The following XCR1 variants were observed in gnomAD, a reference collection of about 807,000 sequenced individuals.
XCR1 encodes X-C motif chemokine receptor 1, also known as chemokine XC receptor 1.
For synonymous variants in XCR1, 187 were observed against 188.5 expected, an observed-to-expected ratio of 0.99 and a Z score of 0.06; for missense variants, 356 against 424.2, an observed-to-expected ratio of 0.84 and a Z score of 1.41.
At chr3:46,054,299 A>G (rs1697810460) in intron 4 of XCR1, among the ~76,000 whole-genome samples, 1 of 152,128 alleles carries the variant, frequency 6.6e-6, no homozygotes, top group Non-Finnish European at 1.5e-5. Flanking sequence ...GTCCCAGTAG[A>G]TAACCTCAAG....
intron 4 of XCR1, among the ~76,000 whole-genome samples, chr3:46,063,880 T>C (rs560253603): frequency 8.5e-5 from 13 of 152,304 alleles, no homozygotes; most frequent in East Asian, 7.7e-4. Flanking sequence ...TTATTACTAA[T>C]ATTTTTTGAG....
chr3:46,050,189 A>C (rs918117842), intron 5 of XCR1, among the ~76,000 whole-genome samples: 1 of 152,104 alleles, frequency 6.6e-6, no homozygotes, highest in Non-Finnish European at 1.5e-5. Flanking sequence ...CTGCTGTGAC[A>C]TTTGCTCTAC....
chr3:46,084,244 G>C (rs1000355055), intron 1 of XCR1, among the ~76,000 whole-genome samples: 1 of 152,208 alleles, frequency 6.6e-6, no homozygotes, highest in African/African-American at 2.4e-5. Flanking sequence ...CTGGTGACAA[G>C]GGACAAGCTG....
intron 5 of XCR1, among the ~76,000 whole-genome samples, chr3:46,048,169 T>C (rs1245197621): frequency 6.6e-6 from 1 of 152,164 alleles, no homozygotes; most frequent in Non-Finnish European, 1.5e-5. Context: ...TCTGAGAGTC[T>C]AACTGTTCTA....
chr3:46,070,337 T>C (rs985624742), intron 3 of XCR1, among the ~76,000 whole-genome samples: 3 of 152,108 alleles, frequency 2.0e-5, no homozygotes, highest in African/African-American at 7.2e-5. Context: ...TGTTTCTTTG[T>C]TAATTTTCTG....
intron 5 of XCR1, among the ~76,000 whole-genome samples, chr3:46,037,992 G>C (rs565973459): frequency 6.6e-6 from 1 of 151,582 alleles, no homozygotes; most frequent in Non-Finnish European, 1.5e-5. Flanking sequence ...CTGTGCACCA[G>C]GAATAAAATA....
chr3:46,061,545 T>C (rs1386830019), intron 4 of XCR1, among the ~76,000 whole-genome samples: 1 of 152,208 alleles, frequency 6.6e-6, no homozygotes, highest in Non-Finnish European at 1.5e-5. Context: ...CGTGGGACAT[T>C]CCCCTGCATT....
intron 1 of XCR1, among the ~76,000 whole-genome samples, chr3:46,082,225 C>T (rs1575446803): frequency 6.6e-6 from 1 of 152,058 alleles, no homozygotes. Context: ...GATACCAGAC[C>T]AAGCCTGTAT....
At chr3:46,046,831 C>T (rs921310907) in intron 5 of XCR1, among the ~76,000 whole-genome samples, 5 of 152,138 alleles carry the variant, frequency 3.3e-5, no homozygotes, top group Non-Finnish European at 5.9e-5. Context: ...TTGAGTTTGC[C>T]TATTTAAATC....
rs558818655 is a variant in XCR1 at position 46,017,313 on chromosome 3, A to T, written c.*3633T>A. The T allele has an allele frequency of 2.6e-5, 4 of 152,216 alleles. No individual in the cohort carries two copies. Among genetic ancestry groups the T allele is most frequent in the Non-Finnish European group, 5.9e-5 (4 of 68,030 alleles). The allele number at this position is 152,216 out of a possible 1,614,324, so 9.4% of individuals were successfully genotyped here. A position where few individuals can be genotyped will look rare whatever the true frequency, so the allele number is the denominator to read the frequency against. ...TTGGACATCTTTAGACCAGGTTTCC[A>T]TGTTTGCAGACCTTTTTGTCCCATC... On this transcript the variant is annotated 3_prime_UTR_variant, in exon 2 of 2. Coordinates refer to ENST00000309285, the MANE Select transcript of XCR1 (RefSeq NM_001024644.2).
rs186575548 is a variant in XCR1 at position 46,049,840 on chromosome 3, G to A, written c.-32+4080C>T. ...ATTGTAAAATTTTGTCTGAAGGGTA[G>A]TGGTTATCTATAGCACCCACGAAGT... On this transcript the variant is annotated intron_variant, in intron 5 of 5. Coordinates refer to the XCR1 transcript ENST00000683768. Among the ~76,000 whole-genome samples, 29 of 152,334 alleles carry A rather than the reference G, an allele frequency of 1.9e-4. 1 individual carries two copies. In the East Asian group the frequency reaches 5.6e-3, roughly 29 times the overall value.
chr3:46,026,897 ATT>A (rs34872226), intron 1 of XCR1, among the ~76,000 whole-genome samples: 22 of 136,558 alleles, frequency 1.6e-4, no homozygotes, highest in African/African-American at 4.3e-4. Flanking sequence ...TTCTTCTTTG[ATT>A]TTTTTTTTTT....
intron 2 of XCR1, among the ~76,000 whole-genome samples, chr3:46,076,550 A>G (rs184957390): frequency 2.0e-5 from 3 of 150,972 alleles, no homozygotes; most frequent in African/African-American, 7.4e-5. Flanking sequence ...ATTTTGTAGA[A>G]GCTTAACAAA....
intron 2 of XCR1, among the ~76,000 whole-genome samples, chr3:46,075,640 T>G (rs112036042): frequency 5.3e-5 from 8 of 152,258 alleles, no homozygotes; most frequent in African/African-American, 1.9e-4. Flanking sequence ...AAATAGCTCA[T>G]GTCTAAAATA....
At chr3:46,080,331 C>A (rs145791323) in intron 1 of XCR1, among the ~76,000 whole-genome samples, 2 of 152,136 alleles carry the variant, frequency 1.3e-5, no homozygotes, top group African/African-American at 4.8e-5. Flanking sequence ...CTGACAATGC[C>A]GCTAAGAATG....
intron 4 of XCR1, among the ~76,000 whole-genome samples, chr3:46,063,725 C>G (rs1462069126): frequency 6.6e-6 from 1 of 152,228 alleles, no homozygotes; most frequent in Non-Finnish European, 1.5e-5. Context: ...TGCCTGAAAA[C>G]TCTCTCACGT....
chr3:46,066,006 A>G (rs35516580), intron 4 of XCR1, among the ~76,000 whole-genome samples: 13,769 of 151,856 alleles, frequency 0.091, 1,014 homozygotes, highest in South Asian at 0.35. Flanking sequence ...CCCTTGTCTC[A>G]CTCCTTTGCT....
At chr3:46,032,618 G>A (rs1336690423) in intron 5 of XCR1, among the ~76,000 whole-genome samples, 1 of 152,184 alleles carries the variant, frequency 6.6e-6, no homozygotes, top group African/African-American at 2.4e-5. Flanking sequence ...GGCACCACTG[G>A]CCACAGGTTT....
rs1293142154 is a variant in XCR1, at chr3:46,023,655, C to G, written c.-31-1677G>C. 4 of 1,384,278 alleles carry G rather than the reference C, an allele frequency of 2.9e-6. No homozygotes were observed. The East Asian group carries it at 6.9e-5, about 24-fold the overall frequency. The allele number at this position is 1,384,278 out of a possible 1,614,324, so 85.7% of individuals were successfully genotyped here. A position where few individuals can be genotyped will look rare whatever the true frequency, so the allele number is the denominator to read the frequency against. On this transcript the variant is annotated intron_variant, in intron 1 of 1. Coordinates refer to ENST00000309285, the MANE Select transcript of XCR1 (RefSeq NM_001024644.2). Reference sequence around the variant, plus strand: ...AGAGCCCCCTTTCTCAGAAGTACAGCCCTTCTTCAGAGAAACGCCTGCTTG... The same window carrying G: ...AGAGCCCCCTTTCTCAGAAGTACAGGCCTTCTTCAGAGAAACGCCTGCTTG...
Sources: gnomAD v4.1 joint callset for allele counts (sites outside exome capture counted in the v4.1 genomes callset) on GRCh38, gnomAD v4.1.1 for gene constraint, MANE v1.5 for transcripts, NCBI Gene and HGNC (gene_info 2026-07-23, HGNC 2026-07-21) for gene names.